Variants in FHIT observed in about 807,000 individuals in gnomAD.
FHIT encodes the protein fragile histidine triad diadenosine triphosphatase.
In FHIT, 19 loss-of-function variants were observed where a neutral mutation model predicts 17.9. The observed-to-expected ratio is 1.06, with a 90% confidence interval of 0.74 to 1.56. The LOEUF is 1.56. FHIT is among the 40% of genes most tolerant of loss of function. The pLI, the probability that FHIT is intolerant of heterozygous loss-of-function variation, is 0.00. For missense variants in FHIT, 248 were observed against 189.2 expected (o/e 1.31, Z -1.82); for synonymous variants, 81 against 69.7 (o/e 1.16, Z -0.81).
chr3:61,204,228 T>C lies in FHIT; in HGVS notation c.-212-3563A>G, dbSNP rs546152860. On this transcript the variant is annotated intron_variant, in intron 1 of 9. Coordinates refer to ENST00000492590, the MANE Select transcript of FHIT (RefSeq NM_002012.4). ...GAAGAAATTTACACAGAATTCAGGCTATCTTTATCTTGAGAGTGGGAGAGG... is the reference window on the plus strand; with the variant it reads ...GAAGAAATTTACACAGAATTCAGGCCATCTTTATCTTGAGAGTGGGAGAGG... 8.5e-5 allele frequency among the ~76,000 whole-genome samples: 13 copies of C among 152,342 alleles called. No homozygotes were observed. In the South Asian group the frequency reaches 2.7e-3, roughly 32 times the overall value.
chr3:59,930,070 C>G (rs1409439512), intron 7 of FHIT, among the ~76,000 whole-genome samples: 1 of 152,104 alleles, frequency 6.6e-6, no homozygotes, highest in Non-Finnish European at 1.5e-5. Context: ...ACTCTGAGAA[C>G]CAGTGAAGAA....
chr3:61,208,297 A>T (rs142551303), intron 1 of FHIT, among the ~76,000 whole-genome samples: 66,118 of 151,672 alleles, frequency 0.44, 15,020 homozygotes, highest in East Asian at 0.58. Flanking sequence ...TTCTGTTGAT[A>T]TGGGGTGGAG....
At chr3:60,852,973 C>T (rs782734832) in intron 3 of FHIT, among the ~76,000 whole-genome samples, 29 of 151,974 alleles carry the variant, frequency 1.9e-4, no homozygotes, top group Admixed American at 4.6e-4. Flanking sequence ...TAAATATCTA[C>T]CTATACTTTT....
chr3:59,894,061 T>C (rs1272985632), intron 8 of FHIT, among the ~76,000 whole-genome samples: 1 of 152,170 alleles, frequency 6.6e-6, no homozygotes, highest in Non-Finnish European at 1.5e-5. Context: ...TAGACCAGCC[T>C]GGGCAACATG....
At chr3:60,564,807 T>C (rs527333273) in intron 4 of FHIT, among the ~76,000 whole-genome samples, 7 of 152,140 alleles carry the variant, frequency 4.6e-5, no homozygotes, top group South Asian at 2.1e-4. Context: ...GATGTGAACA[T>C]TGTCGAAATG....
rs946306608 is a variant in FHIT at position 60,616,093 on chromosome 3, A to G, written c.-17-79114T>C. Among the ~76,000 whole-genome samples, 64 of 152,304 alleles carry G rather than the reference A, an allele frequency of 4.2e-4. 1 individual carries two copies. The highest frequency in any genetic ancestry group is 3.4e-3 in the Middle Eastern group (1 of 294). ...TCATTAGGTCACAATTCTTGGGACT[A>G]CCATTGTCTAGGTTCTTCTATTCCA... On this transcript the variant is annotated intron_variant, in intron 4 of 9. Transcript: ENST00000492590.
intron 5 of FHIT, among the ~76,000 whole-genome samples, chr3:60,371,165 T>C (rs1700310539): frequency 6.6e-6 from 1 of 152,224 alleles, no homozygotes. Flanking sequence ...CTATTTGAAA[T>C]GATCCATTTG....
intron 1 of FHIT, among the ~76,000 whole-genome samples, chr3:61,238,740 G>A (rs1032587368): frequency 6.6e-6 from 1 of 152,188 alleles, no homozygotes; most frequent in Non-Finnish European, 1.5e-5. Context: ...TTGAAGCCAT[G>A]ATTCTAACAT....
chr3:60,011,551 GA>G, intron 6 of FHIT, 151 bp from the exon 7 acceptor site: 1 of 680,420 alleles, frequency 1.5e-6, no homozygotes, highest in Non-Finnish European at 2.6e-6. Context: ...AAATGTGCGG[GA>G]TTAGACAGTT....
intron 3 of FHIT, among the ~76,000 whole-genome samples, chr3:60,921,000 G>A (rs537202393): frequency 7.6e-4 from 115 of 152,146 alleles, no homozygotes; most frequent in Non-Finnish European, 1.5e-3. Flanking sequence ...TATAAGTATA[G>A]GTTCATTTGG....
At chr3:60,440,560 T>C (rs1441327339) in intron 5 of FHIT, among the ~76,000 whole-genome samples, 2 of 152,112 alleles carry the variant, frequency 1.3e-5, no homozygotes, top group African/African-American at 4.8e-5. Flanking sequence ...GTACTATTGA[T>C]ATCTTACCAT....
chr3:60,559,764 G>C (rs373528428), intron 4 of FHIT, among the ~76,000 whole-genome samples: 1 of 93,498 alleles, frequency 1.1e-5, no homozygotes, highest in South Asian at 4.0e-4. Context: ...TCCCTCTTAC[G>C]GGCACTTACA....
chr3:60,146,942 GAA>G (rs1293918263), intron 5 of FHIT, among the ~76,000 whole-genome samples: 4 of 152,136 alleles, frequency 2.6e-5, no homozygotes, highest in African/African-American at 9.7e-5. Flanking sequence ...TATAAAATGT[GAA>G]GATATATAAT....
Position 60,265,788 on chromosome 3 carries a change from A to T in FHIT, c.104-251636T>A, listed in dbSNP as rs1354815797. Among the ~76,000 whole-genome samples, 13 of 151,966 alleles carry T rather than the reference A, an allele frequency of 8.6e-5. 1 individual carries two copies. Among genetic ancestry groups the T allele is most frequent in the Admixed American group, 5.9e-4 (9 of 15,234 alleles). On this transcript the variant is annotated intron_variant, in intron 5 of 9. Transcript: ENST00000492590. The stretch of plus-strand genomic sequence containing the variant: ...AAGGTTTTAAATAGACATTTCTCCA[A>T]ACAAGATACTCAGATGGCCAATACG...
At chr3:60,943,776 A>G (rs1269001891) in intron 3 of FHIT, among the ~76,000 whole-genome samples, 2 of 152,168 alleles carry the variant, frequency 1.3e-5, no homozygotes, top group African/African-American at 4.8e-5. Context: ...ATTTAGACAC[A>G]TTGGCAAATA....
At chr3:60,494,138 C>T (rs1451439098) in intron 5 of FHIT, among the ~76,000 whole-genome samples, 1 of 152,146 alleles carries the variant, frequency 6.6e-6, no homozygotes, top group Admixed American at 6.5e-5. Context: ...ATGCAACTTT[C>T]ACCATATCTG....
intron 5 of FHIT, among the ~76,000 whole-genome samples, chr3:60,245,802 G>C (rs1705365086): frequency 6.6e-6 from 1 of 151,924 alleles, no homozygotes; most frequent in Non-Finnish European, 1.5e-5. Context: ...ATTGGCAACT[G>C]ATCCAGAAAC....
chr3:60,749,538 G>A (rs1173214877), intron 4 of FHIT, among the ~76,000 whole-genome samples: 1 of 152,164 alleles, frequency 6.6e-6, no homozygotes, highest in Non-Finnish European at 1.5e-5. Context: ...TGAAAGAGAA[G>A]GAACTAATGG....
chr3:59,960,418 T>G (rs967717962), intron 7 of FHIT, among the ~76,000 whole-genome samples: 2 of 152,176 alleles, frequency 1.3e-5, no homozygotes, highest in Non-Finnish European at 2.9e-5. Context: ...CCTGACCAGA[T>G]AGATGTTGCT....
Sources: gnomAD v4.1 joint callset for allele counts (sites outside exome capture counted in the v4.1 genomes callset) on GRCh38, gnomAD v4.1.1 for gene constraint, MANE v1.5 for transcripts, NCBI Gene and HGNC (gene_info 2026-07-23, HGNC 2026-07-21) for gene names.